RCBTB1: variants seen among roughly 807,000 people sequenced by gnomAD.
RCBTB1 encodes the protein RCC1 and BTB domain-containing protein 1.
Under a neutral mutation model 62.4 loss-of-function variants are expected in RCBTB1, and 46 were observed. The observed-to-expected ratio is 0.74, with a 90% CI of 0.58 to 0.94. RCBTB1 has a LOEUF of 0.94. RCBTB1 is among the 40% of genes least tolerant of loss of function. The pLI, the probability that RCBTB1 is intolerant of heterozygous loss-of-function variation, is 0.00. For missense variants in RCBTB1, 565 were observed against 654.9 expected, an observed-to-expected ratio of 0.86 and a Z score of 1.50; for synonymous variants, 222 against 245.8, an observed-to-expected ratio of 0.90 and a Z score of 0.91.
intron 9 of RCBTB1, among the ~76,000 whole-genome samples, chr13:49,548,047 G>A (rs1402929240): frequency 6.6e-6 from 1 of 152,008 alleles, no homozygotes; most frequent in Non-Finnish European, 1.5e-5. Flanking sequence ...CCAAAGTGCT[G>A]AGATTACAGG....
chr13:49,554,653 C>G (rs1566236977), intron 6 of RCBTB1, among the ~76,000 whole-genome samples: 1 of 152,132 alleles, frequency 6.6e-6, no homozygotes, highest in Non-Finnish European at 1.5e-5. Context: ...GCATAAGATT[C>G]TCACAGGAGC....
At position 49,576,177 on chromosome 13, in the gene RCBTB1, C is replaced by CAAAAA. The variant is rs71078868; in HGVS notation, c.-42+4323_-42+4327dup. 4.0e-4 allele frequency among the ~76,000 whole-genome samples: 16 copies of CAAAAA among 39,986 alleles called. 1 individual carries two copies. Among genetic ancestry groups the CAAAAA allele is most frequent in the African/African-American group, 1.4e-3 (11 of 7,910 alleles). The allele number at this position is 39,986 out of a possible 152,430, so 26.2% of individuals were successfully genotyped here. A position where few individuals can be genotyped will look rare whatever the true frequency, so the allele number is the denominator to read the frequency against. On this transcript the variant is annotated intron_variant, in intron 2 of 12. Coordinates refer to ENST00000378302, the MANE Select transcript of RCBTB1 (RefSeq NM_018191.4). ...ACTCCAGCCTGGGCGACAGGCGTCG[C>CAAAAA]AAAAAAAAAAAAAAAAAAAAAAAAA...
intron 9 of RCBTB1, 100 bp downstream of exon 9, chr13:49,549,358 A>G (rs901100025): frequency 1.0e-5 from 12 of 1,166,668 alleles, no homozygotes; most frequent in African/African-American, 4.6e-5. Flanking sequence ...AATAGAGAAT[A>G]AAACATTCTG....
At chr13:49,558,960 T>C (rs1301489637) in intron 5 of RCBTB1, among the ~76,000 whole-genome samples, 1 of 152,260 alleles carries the variant, frequency 6.6e-6, no homozygotes. Context: ...TTATTAATCT[T>C]TGTTAAATAT....
chr13:49,585,280 C>G (rs1406181137), intron 1 of RCBTB1, among the ~76,000 whole-genome samples, 164 bp downstream of exon 1: 1 of 152,154 alleles, frequency 6.6e-6, no homozygotes, highest in Non-Finnish European at 1.5e-5. Context: ...CCATCCCTCG[C>G]CCCGGACGCA....
chr13:49,541,664 C>A lies in RCBTB1; in HGVS notation c.1324+12G>T. 6.3e-7 allele frequency: 1 copy of A among 1,599,298 alleles called. No individual in the cohort carries two copies. On this transcript the variant is annotated intron_variant, in intron 11 of 12. Transcript: ENST00000378302. ...ACCATGCGGCTCGTCCATCCCAATG[C>A]TACCACAGTACCTATAGCATCTTCT...
At chr13:49,574,532 T>C (rs1179991297) in intron 2 of RCBTB1, among the ~76,000 whole-genome samples, 1 of 152,202 alleles carries the variant, frequency 6.6e-6, no homozygotes, top group Non-Finnish European at 1.5e-5. Context: ...TGTTAGAAGT[T>C]TTAAGATGTA....
intron 4 of RCBTB1, among the ~76,000 whole-genome samples, chr13:49,565,436 C>A (rs944386838): frequency 2.0e-5 from 3 of 151,962 alleles, no homozygotes; most frequent in Non-Finnish European, 1.5e-5. Context: ...CCGGCCGCCA[C>A]CCCGTCTGGG....
At chr13:49,567,404 A>G in intron 2 of RCBTB1, 84 bp from the exon 3 acceptor site, 2 of 957,332 alleles carry the variant, frequency 2.1e-6, no homozygotes, top group Non-Finnish European at 3.1e-6. Flanking sequence ...ATAAATACTA[A>G]CAAAAGCTGA....
At chr13:49,537,781 G>A (rs936590757) in intron 12 of RCBTB1, 2 of 152,174 alleles carry the variant, frequency 1.3e-5, no homozygotes, top group Admixed American at 1.3e-4. Context: ...AGGAGTATCT[G>A]GGTGCTCCTT....
At position 49,554,204 on chromosome 13, in the gene RCBTB1, A is replaced by G. The variant is rs570847553; in HGVS notation, c.603+1311T>C. Among the ~76,000 whole-genome samples the G allele has an allele frequency of 2.4e-3, 373 of 152,324 alleles. 1 individual carries two copies. The highest frequency in any genetic ancestry group is 4.2e-3 in the Non-Finnish European group (289 of 68,026). ...AAAAGATAATTATACTCACCCATAT[A>G]TAATTGTTTAAGGGAAAAGTCCAAA... On this transcript the variant is annotated intron_variant, in intron 6 of 12. Transcript: ENST00000378302.
chr13:49,564,065 G>A (rs1485217253), intron 4 of RCBTB1, among the ~76,000 whole-genome samples: 1 of 152,180 alleles, frequency 6.6e-6, no homozygotes, highest in Admixed American at 6.5e-5. Context: ...AATTTTCAGA[G>A]AGTGTTGGGT....
intron 4 of RCBTB1, among the ~76,000 whole-genome samples, chr13:49,562,366 C>G (rs1319504296): frequency 6.6e-6 from 1 of 151,874 alleles, no homozygotes; most frequent in Non-Finnish European, 1.5e-5. Flanking sequence ...GTGGCTCACA[C>G]CTGTAATCCC....
At chr13:49,578,777 T>C (rs1963929442) in intron 2 of RCBTB1, among the ~76,000 whole-genome samples, 1 of 152,214 alleles carries the variant, frequency 6.6e-6, no homozygotes, top group Non-Finnish European at 1.5e-5. Context: ...TCAGTGAAGA[T>C]CATCCAGTTT....
intron 5 of RCBTB1, 53 bp from the exon 6 acceptor site, chr13:49,555,726 C>T: frequency 1.6e-6 from 2 of 1,287,322 alleles, no homozygotes; most frequent in Non-Finnish European, 2.2e-6. Flanking sequence ...GAAAATTCTA[C>T]CCCAACACAA....
rs562115260 is a variant in RCBTB1, at chr13:49,532,674, C to T, written c.*1448G>A. The T allele has an allele frequency of 6.6e-6, 1 of 152,060 alleles. No homozygotes were observed. The highest frequency in any genetic ancestry group is 1.5e-5 in the Non-Finnish European group (1 of 68,004). 9.4% of individuals were successfully genotyped at this position (152,060 alleles called of 1,614,324 possible). On this transcript the variant is annotated 3_prime_UTR_variant, in exon 13 of 13. Transcript: ENST00000378302. ...TTTAGGGCCTCACTCCCCTTCCCACCCCAATAGACACAAATTTAAAAACAT... is the reference window on the plus strand; with the variant it reads ...TTTAGGGCCTCACTCCCCTTCCCACTCCAATAGACACAAATTTAAAAACAT...
intron 12 of RCBTB1, among the ~76,000 whole-genome samples, chr13:49,538,823 C>T (rs1240817649): frequency 6.7e-6 from 1 of 150,152 alleles, no homozygotes; most frequent in Non-Finnish European, 1.5e-5. Context: ...TTTTTGTCTT[C>T]TTTCTATTCT....
At chr13:49,581,897 G>A (rs1964121384) in intron 1 of RCBTB1, among the ~76,000 whole-genome samples, 1 of 152,242 alleles carries the variant, frequency 6.6e-6, no homozygotes, top group Non-Finnish European at 1.5e-5. Context: ...GTGGGTGGAA[G>A]AGGCCAGGTT....
At chr13:49,535,275 G>A (rs1240363051) in intron 12 of RCBTB1, among the ~76,000 whole-genome samples, 1 of 152,064 alleles carries the variant, frequency 6.6e-6, no homozygotes, top group Non-Finnish European at 1.5e-5. Context: ...ATCAATCCCT[G>A]CCTATGCTAA....
Sources: allele counts gnomAD v4.1 joint callset (sites outside exome capture counted in the v4.1 genomes callset), GRCh38; gene constraint gnomAD v4.1.1; transcripts MANE v1.5; gene names NCBI Gene and HGNC (gene_info 2026-07-23, HGNC 2026-07-21).